Variants in SLC1A6 observed in about 807,000 individuals in gnomAD.
SLC1A6 encodes excitatory amino acid transporter 4.
In SLC1A6, 15 loss-of-function variants were observed where a neutral mutation model predicts 42.1. The observed-to-expected ratio is 0.36, with a 90% CI of 0.24 to 0.55. The LOEUF is 0.55. Among genes scored for constraint, SLC1A6 ranks in the 20% least tolerant of loss-of-function variants. The pLI is 0.88. For synonymous variants in SLC1A6, 317 were observed against 319.7 expected, an observed-to-expected ratio of 0.99 and a Z score of 0.09; for missense variants, 542 against 772.5, an observed-to-expected ratio of 0.70 and a Z score of 3.54.
In SLC1A6 at chr19:14,960,125, A is replaced by G. The variant is rs554426590; in HGVS notation, c.935+1877T>C. Among the ~76,000 whole-genome samples, 412 of 152,022 alleles carry G rather than the reference A, an allele frequency of 2.7e-3. 1 individual carries two copies. The highest frequency in any genetic ancestry group is 9.0e-3 in the African/African-American group (373 of 41,482). Reference sequence around the variant, plus strand: ...AGGAATCTAGAGAAGGAATGATGGAAGGAAGGAAGGAAGGAAGGGATTAAC... The same window carrying G: ...AGGAATCTAGAGAAGGAATGATGGAGGGAAGGAAGGAAGGAAGGGATTAAC... On this transcript the variant is annotated intron_variant, in intron 6 of 9. Coordinates refer to ENST00000594383, the MANE Select transcript of SLC1A6 (RefSeq NM_005071.3).
chr19:14,981,376 G>A (rs62113321), upstream of SLC1A6, among the ~76,000 whole-genome samples: 136 of 152,074 alleles, frequency 8.9e-4, no homozygotes, highest in Non-Finnish European at 1.5e-3. Context: ...CCTGGAAGTG[G>A]GACCCAGGCA....
chr19:14,963,163 G>A (rs1445059048), intron 5 of SLC1A6, among the ~76,000 whole-genome samples: 2 of 152,202 alleles, frequency 1.3e-5, no homozygotes, highest in African/African-American at 4.8e-5. Flanking sequence ...CAAGAGGGTT[G>A]AACCTGGAAA....
intron 1 of SLC1A6, among the ~76,000 whole-genome samples, chr19:14,995,690 A>G (rs2045842909): frequency 6.6e-6 from 1 of 152,206 alleles, no homozygotes; most frequent in African/African-American, 2.4e-5. Context: ...ATTTGTGTCA[A>G]TTTTTAAATT....
chr19:14,998,958 G>A (rs58087059), intron 1 of SLC1A6, among the ~76,000 whole-genome samples: 35,589 of 151,456 alleles, frequency 0.23, 4,843 homozygotes, highest in East Asian at 0.47. Flanking sequence ...GCTCACTGCA[G>A]CCTCCGCCTC....
At chr19:14,995,672 C>G (rs1216308937) in intron 1 of SLC1A6, among the ~76,000 whole-genome samples, 1 of 152,106 alleles carries the variant, frequency 6.6e-6, no homozygotes, top group African/African-American at 2.4e-5. Flanking sequence ...ACATGATATA[C>G]AGATACAATT....
At chr19:14,966,598 T>C (rs1235006177) in intron 4 of SLC1A6, among the ~76,000 whole-genome samples, 2 of 152,210 alleles carry the variant, frequency 1.3e-5, no homozygotes, top group Non-Finnish European at 2.9e-5. Flanking sequence ...TGCTTCTATT[T>C]ACAATAGCAA....
At position 14,950,237 on chromosome 19, in the gene SLC1A6, C is replaced by T; in HGVS notation, c.1653G>A (p.Lys551=). 5 of 1,601,710 alleles carry T rather than the reference C, an allele frequency of 3.1e-6. No homozygotes were observed. Among genetic ancestry groups the T allele is most frequent in the South Asian group, 1.1e-5 (1 of 89,604 alleles). The change falls in exon 10 of 10, where the codon AAG becomes AAA. Residue 551 remains lysine, a synonymous_variant. Transcript: ENST00000594383. ...TGCCTCCCCGTCCCCGGGATGCCCC[C>T]TTCTCCTGTGCCATGAGGGACTTGT... ...KPYKSLMAQE[K]GASRGRGGNE...
chr19:14,989,064 G>A (rs2045806072), intron 1 of SLC1A6, among the ~76,000 whole-genome samples: 1 of 152,070 alleles, frequency 6.6e-6, no homozygotes, highest in Non-Finnish European at 1.5e-5. Context: ...TCTCACAAAT[G>A]GGAGCTAAAC....
chr19:14,960,766 G>A (rs879513956), intron 6 of SLC1A6, among the ~76,000 whole-genome samples: 8 of 152,086 alleles, frequency 5.3e-5, no homozygotes, highest in East Asian at 1.9e-4. Context: ...CCAGGGACTC[G>A]CAGGAAAGGG....
chr19:14,959,139 A>G (rs1235429519), intron 6 of SLC1A6, among the ~76,000 whole-genome samples: 1 of 152,218 alleles, frequency 6.6e-6, no homozygotes, highest in East Asian at 1.9e-4. Flanking sequence ...TTTAACCAAG[A>G]TATCTGTGCT....
intron 5 of SLC1A6, among the ~76,000 whole-genome samples, chr19:14,962,826 C>G (rs1427866583): frequency 6.6e-6 from 1 of 152,098 alleles, no homozygotes; most frequent in East Asian, 1.9e-4. Context: ...TCGCTTGAAC[C>G]TGGGAGGCGG....
chr19:14,959,262 C>A (rs2063175244), intron 6 of SLC1A6, among the ~76,000 whole-genome samples: 1 of 152,174 alleles, frequency 6.6e-6, no homozygotes, highest in African/African-American at 2.4e-5. Flanking sequence ...CTCTGTTTTC[C>A]ATTGCTTTTA....
chr19:14,956,098 G>C (rs138469823), intron 7 of SLC1A6, among the ~76,000 whole-genome samples: 9 of 152,160 alleles, frequency 5.9e-5, no homozygotes, highest in African/African-American at 1.7e-4. Context: ...GGATGAAGGG[G>C]AAGAAGAAGG....
At chr19:14,961,817 G>C in intron 6 of SLC1A6, 185 bp downstream of exon 6, 2 of 783,686 alleles carry the variant, frequency 2.6e-6, no homozygotes, top group Non-Finnish European at 3.9e-6. Flanking sequence ...AGATGAACAA[G>C]GAAGTCAACT....
chr19:14,955,657 G>C (rs545782504), intron 7 of SLC1A6, among the ~76,000 whole-genome samples: 8 of 151,688 alleles, frequency 5.3e-5, no homozygotes, highest in Non-Finnish European at 7.4e-5. Context: ...ATTTTTGGCC[G>C]GGCGTGGCGG....
intron 3 of SLC1A6, among the ~76,000 whole-genome samples, chr19:14,971,196 C>CA (rs1225281099): frequency 6.6e-6 from 1 of 152,102 alleles, no homozygotes; most frequent in Non-Finnish European, 1.5e-5. Flanking sequence ...CCCTAACACC[C>CA]AAATTGTTCA....
In SLC1A6 at chr19:14,950,133, C is replaced by T; in HGVS notation, c.*62G>A. 1 of 1,271,154 alleles carries T rather than the reference C, an allele frequency of 7.9e-7. No individual in the cohort carries two copies. The highest frequency in any genetic ancestry group is 1.1e-6 in the Non-Finnish European group (1 of 949,588). 78.7% of individuals were successfully genotyped at this position (1,271,154 alleles called of 1,614,324 possible). A position where few individuals can be genotyped will look rare whatever the true frequency, so the allele number is the denominator to read the frequency against. ...ACGGTCAGTTGGGCAACAGATGTGT[C>T]ACCAGGACTCCCCTCCCCAGCCCCC... On this transcript the variant is annotated 3_prime_UTR_variant, in exon 10 of 10. Coordinates refer to ENST00000594383, the MANE Select transcript of SLC1A6 (RefSeq NM_005071.3).
intron 2 of SLC1A6, among the ~76,000 whole-genome samples, chr19:14,972,252 C>G (rs888190148): frequency 6.6e-6 from 1 of 152,178 alleles, no homozygotes; most frequent in Non-Finnish European, 1.5e-5. Flanking sequence ...TTGTGTGTAT[C>G]TTACTATTTT....
Position 14,987,892 on chromosome 19 carries a change from T to C in SLC1A6, c.7-14975A>G, listed in dbSNP as rs574928076. ...TTGGTTTTTTGAGACAGGATCTGAC[T>C]CTGTTGCCCAGGCTGAAGTGCAGTA... On this transcript the variant is annotated intron_variant, in intron 1 of 8. Coordinates refer to the SLC1A6 transcript ENST00000430939. Among the ~76,000 whole-genome samples the C allele has an allele frequency of 3.0e-4, 46 of 152,322 alleles. No individual in the cohort carries two copies. In the Middle Eastern group the frequency reaches 0.01, roughly 34 times the overall value.
Sources: allele counts gnomAD v4.1 joint callset (sites outside exome capture counted in the v4.1 genomes callset), GRCh38; gene constraint gnomAD v4.1.1; transcripts MANE v1.5; gene names NCBI Gene and HGNC (gene_info 2026-07-23, HGNC 2026-07-21).